The following CACNB4 variants were observed in gnomAD, a reference collection of about 807,000 sequenced individuals.
The protein encoded by CACNB4 is voltage-dependent L-type calcium channel subunit beta-4.
In CACNB4, 32 loss-of-function variants were observed where a neutral mutation model predicts 71.2. That is an observed-to-expected ratio of 0.45 (90% CI 0.34 to 0.60). The LOEUF (loss-of-function observed/expected upper bound fraction) is 0.60. CACNB4 is among the 20% of genes least tolerant of loss of function. The probability of loss-of-function intolerance (pLI) is 0.01; values close to 1 mark genes in which losing one functional copy is unlikely to be tolerated. For synonymous variants in CACNB4, 231 were observed against 236.9 expected (o/e 0.97, Z 0.23); for missense variants, 464 against 647.9 (o/e 0.72, Z 3.08).
chr2:151,934,651 A>G (rs2099862466), intron 2 of CACNB4, among the ~76,000 whole-genome samples: 1 of 152,156 alleles, frequency 6.6e-6, no homozygotes, highest in South Asian at 2.1e-4. Context: ...ATCCTTGCCA[A>G]CATGGTGAAA....
At chr2:151,909,172 G>A (rs1347643982) in intron 2 of CACNB4, among the ~76,000 whole-genome samples, 4 of 149,994 alleles carry the variant, frequency 2.7e-5, no homozygotes, top group Non-Finnish European at 5.9e-5. Flanking sequence ...GCTCACGCCT[G>A]TATTCCCAGC....
At chr2:151,991,689 T>C (rs1165236365) in intron 2 of CACNB4, among the ~76,000 whole-genome samples, 1 of 152,222 alleles carries the variant, frequency 6.6e-6, no homozygotes, top group Non-Finnish European at 1.5e-5. Context: ...AATCTTTTTC[T>C]TCATCTGTCT....
intron 2 of CACNB4, among the ~76,000 whole-genome samples, chr2:152,029,522 G>GAA (rs1283512652): frequency 1.4e-5 from 2 of 147,508 alleles, no homozygotes; most frequent in Non-Finnish European, 3.0e-5. Context: ...GAAAAGAAAA[G>GAA]AAAAGAAAAG....
chr2:151,838,882 G>A lies in CACNB4; in HGVS notation c.*237C>T. On this transcript the variant is annotated 3_prime_UTR_variant, in exon 14 of 14. Transcript: ENST00000539935. ...TCTAAATCTATGAAGAAAACAAAAT[G>A]TACTGTTATCATGTAAATGTTGCAC... is the stretch of plus-strand genomic sequence containing the variant. 5.2e-6 allele frequency: 2 copies of A among 384,880 alleles called. No individual in the cohort carries two copies. The highest frequency in any genetic ancestry group is 9.4e-6 in the Non-Finnish European group (2 of 213,668). The allele number at this position is 384,880 out of a possible 1,614,324, so 23.8% of individuals were successfully genotyped here.
In CACNB4 at chr2:152,098,611, G is replaced by A. The variant is rs1444264416; in HGVS notation, c.64-198C>T. ...TGCAAGCCTCGACTGCTGAAAAGAT[G>A]CTCGAGAAGAGCAGCCCGCAAGCAC... On this transcript the variant is annotated intron_variant, in intron 1 of 13. Coordinates refer to ENST00000539935, the MANE Select transcript of CACNB4 (RefSeq NM_000726.5). This position sits in a 1 kb window ranked among gnomAD's most constrained non-coding sequence, Gnocchi z 5.3. 1 of 780,272 alleles carries A rather than the reference G, an allele frequency of 1.3e-6. No individual in the cohort carries two copies. The allele number at this position is 780,272 out of a possible 1,614,324, so 48.3% of individuals were successfully genotyped here.
At chr2:151,924,758 G>T (rs576563187) in intron 2 of CACNB4, among the ~76,000 whole-genome samples, 1 of 152,238 alleles carries the variant, frequency 6.6e-6, no homozygotes, top group East Asian at 1.9e-4. Flanking sequence ...TGCCAGACTG[G>T]CATTTTTTCA....
chr2:152,076,036 C>T (rs1686988592), intron 2 of CACNB4, among the ~76,000 whole-genome samples: 1 of 151,548 alleles, frequency 6.6e-6, no homozygotes, highest in East Asian at 1.9e-4. Context: ...TGCATTTTGT[C>T]ATAAGGTCTT....
chr2:151,880,689 T>G (rs1291857236), intron 4 of CACNB4, 111 bp downstream of exon 4: 11 of 1,093,384 alleles, frequency 1.0e-5, no homozygotes, highest in Non-Finnish European at 1.3e-5. Context: ...AATTAAATCA[T>G]GTACTGCACT....
intron 2 of CACNB4, among the ~76,000 whole-genome samples, chr2:151,954,688 T>C (rs2099867730): frequency 6.6e-6 from 1 of 152,090 alleles, no homozygotes; most frequent in Admixed American, 6.5e-5. Flanking sequence ...TGATCTGAAC[T>C]TGGAAATAAA....
At chr2:152,014,824 C>G (rs1683256733) in intron 2 of CACNB4, among the ~76,000 whole-genome samples, 1 of 151,956 alleles carries the variant, frequency 6.6e-6, no homozygotes, top group Non-Finnish European at 1.5e-5. Context: ...AAGTTTTGTG[C>G]CTCAGAGAAC....
intron 2 of CACNB4, among the ~76,000 whole-genome samples, chr2:151,892,704 CT>C (rs2099851021): frequency 6.6e-6 from 1 of 152,202 alleles, no homozygotes; most frequent in African/African-American, 2.4e-5. Flanking sequence ...GGAGTCATGT[CT>C]TACCAGTTTT....
chr2:151,940,067 C>T (rs1203732358), intron 2 of CACNB4, among the ~76,000 whole-genome samples: 1 of 152,134 alleles, frequency 6.6e-6, no homozygotes, highest in Non-Finnish European at 1.5e-5. Flanking sequence ...AATAATGATT[C>T]TTAGTTTATC....
chr2:152,018,381 T>G (rs899500931), intron 2 of CACNB4, among the ~76,000 whole-genome samples: 1 of 151,774 alleles, frequency 6.6e-6, no homozygotes, highest in Admixed American at 6.6e-5. Context: ...TCTACACACC[T>G]GAAAAAAAGG....
intron 2 of CACNB4, among the ~76,000 whole-genome samples, chr2:151,965,185 T>C (rs1012622883): frequency 2.0e-5 from 3 of 152,228 alleles, no homozygotes; most frequent in Admixed American, 1.3e-4. Flanking sequence ...AATCTGTTTA[T>C]GCACTAACCA....
chr2:151,951,828 G>A (rs2151665945), intron 2 of CACNB4, among the ~76,000 whole-genome samples: 1 of 152,304 alleles, frequency 6.6e-6, no homozygotes, highest in East Asian at 1.9e-4. Context: ...TGGTCTTCAA[G>A]AAGGAGGCTT....
intron 2 of CACNB4, among the ~76,000 whole-genome samples, chr2:151,920,946 G>A (rs1020361741): frequency 8.6e-5 from 13 of 152,000 alleles, no homozygotes; most frequent in African/African-American, 3.1e-4. Context: ...AGACCATCCT[G>A]GCTAACACAG....
chr2:151,867,698 G>A (rs2099843515), intron 9 of CACNB4: 2 of 152,184 alleles, frequency 1.3e-5, no homozygotes, highest in African/African-American at 4.8e-5. Flanking sequence ...GACTGCAAGA[G>A]TGCCTCCGCT....
At chr2:151,985,661 G>A (rs987459725) in intron 2 of CACNB4, among the ~76,000 whole-genome samples, 3 of 137,054 alleles carry the variant, frequency 2.2e-5, no homozygotes, top group South Asian at 2.4e-4. Context: ...GAAATCCACC[G>A]CTGCCTTAAT....
chr2:151,855,158 C>A (rs954861982), intron 11 of CACNB4, 66 bp downstream of exon 11: 11 of 1,191,128 alleles, frequency 9.2e-6, no homozygotes, highest in Admixed American at 2.3e-5. Flanking sequence ...TAACAAAAAA[C>A]CACAGAGCAA....
Sources: gnomAD v4.1 joint callset for allele counts (sites outside exome capture counted in the v4.1 genomes callset) on GRCh38, gnomAD v4.1.1 for gene constraint, Gnocchi (gnomAD v3.1) non-coding constraint, MANE v1.5 for transcripts, NCBI Gene and HGNC (gene_info 2026-07-23, HGNC 2026-07-21) for gene names.